The following BRWD1 variants were observed in gnomAD, a reference collection of about 807,000 sequenced individuals.
BRWD1 encodes the protein bromodomain and WD repeat-containing protein 1.
Under a neutral mutation model 251.2 loss-of-function variants are expected in BRWD1, and 82 were observed. That is an observed-to-expected ratio of 0.33 (90% CI 0.27 to 0.39). The LOEUF (loss-of-function observed/expected upper bound fraction) is 0.39. Ranked by LOEUF, BRWD1 falls within the 10% of genes least tolerant of loss-of-function variation. BRWD1 has a pLI of 1.00. For missense variants in BRWD1, 2,233 were observed against 2,711.6 expected (o/e 0.82, Z 3.92); for synonymous variants, 918 against 902.8 (o/e 1.02, Z -0.30).
chr21:39,258,535 C>A lies in BRWD1; in HGVS notation c.2023G>T (p.Asp675Tyr), dbSNP rs1372489529. Reference sequence around the variant, plus strand: ...TTTGAAAGTCCTCTTGGAATAGTATCCTGATCTGCTCCCATTCTCTGATCT... The same window carrying A: ...TTTGAAAGTCCTCTTGGAATAGTATACTGATCTGCTCCCATTCTCTGATCT... ...QQDQRMGADQ[D>Y]TIPRGLSNGE... is the part of the protein sequence containing the mutation. The change falls in exon 18 of 41, where the codon GAT becomes TAT. Residue 675 changes from aspartate (D) to tyrosine (Y), a missense_variant. Transcript: ENST00000342449. 14 of 1,612,464 alleles carry A rather than the reference C, an allele frequency of 8.7e-6. No individual in the cohort carries two copies. The highest frequency in any genetic ancestry group is 1.3e-5 in the African/African-American group (1 of 74,848).
At chr21:39,215,137 T>C in intron 32 of BRWD1, 100 bp downstream of exon 32, 1 of 1,246,374 alleles carries the variant, frequency 8.0e-7, no homozygotes, top group Non-Finnish European at 1.1e-6. Flanking sequence ...CCCAAAGTGC[T>C]GGGATTAACA....
At chr21:39,217,852 AT>A (rs1381447442) in intron 31 of BRWD1, among the ~76,000 whole-genome samples, 1 of 152,150 alleles carries the variant, frequency 6.6e-6, no homozygotes, top group Non-Finnish European at 1.5e-5. Flanking sequence ...GGATAGAAAA[AT>A]TCTCATTACT....
At chr21:39,241,501 A>AAAAAAAAAAAAAAAAAC (rs2033997178) in intron 21 of BRWD1, among the ~76,000 whole-genome samples, 1 of 142,354 alleles carries the variant, frequency 7.0e-6, no homozygotes, top group Admixed American at 6.9e-5. Flanking sequence ...AAAAAAAAAA[A>AAAAAAAAAAAAAAAAAC]AAAAAAAAAA....
At chr21:39,242,948 C>T (rs2034052926) in intron 21 of BRWD1, among the ~76,000 whole-genome samples, 1 of 152,126 alleles carries the variant, frequency 6.6e-6, no homozygotes, top group Non-Finnish European at 1.5e-5. Flanking sequence ...GACAATAGAC[C>T]TAGCCATCCA....
chr21:39,238,674 C>T, intron 21 of BRWD1, 101 bp from the exon 22 acceptor site: 1 of 747,688 alleles, frequency 1.3e-6, no homozygotes, highest in South Asian at 1.7e-5. Context: ...ATTAAATCAT[C>T]TAAGAAAAAT....
At chr21:39,271,696 CAAAAAAA>C (rs34900726) in intron 13 of BRWD1, among the ~76,000 whole-genome samples, 3 of 59,854 alleles carry the variant, frequency 5.0e-5, no homozygotes, top group South Asian at 1.0e-3. Flanking sequence ...GACTCCGTCT[CAAAAAAA>C]AAAAAAAAAA....
intron 1 of BRWD1, among the ~76,000 whole-genome samples, chr21:39,319,732 C>T (rs1430923087): frequency 6.6e-6 from 1 of 152,108 alleles, no homozygotes; most frequent in Non-Finnish European, 1.5e-5. Context: ...TCAACATGAC[C>T]CTGTTATATA....
At chr21:39,237,434 A>T (rs2033849225) in intron 22 of BRWD1, among the ~76,000 whole-genome samples, 1 of 151,894 alleles carries the variant, frequency 6.6e-6, no homozygotes, top group Admixed American at 6.5e-5. Flanking sequence ...AAAATAAAGG[A>T]CTCTACTTGG....
At chr21:39,266,453 T>C (rs753056241) in intron 15 of BRWD1, among the ~76,000 whole-genome samples, 25 of 152,272 alleles carry the variant, frequency 1.6e-4, no homozygotes, top group Non-Finnish European at 2.8e-4. Flanking sequence ...CCTTCAGTCA[T>C]GGTTAAAGCA....
intron 8 of BRWD1, among the ~76,000 whole-genome samples, chr21:39,281,396 T>A (rs951529906): frequency 5.9e-5 from 9 of 152,164 alleles, no homozygotes; most frequent in African/African-American, 2.2e-4. Flanking sequence ...GAGAGGAGCA[T>A]CAAAACTTGC....
downstream of BRWD1, chr21:39,184,776 CTG>C (rs1027812628): frequency 2.1e-4 from 32 of 152,124 alleles, no homozygotes; most frequent in African/African-American, 7.5e-4. Flanking sequence ...GCTTAGGAAA[CTG>C]GATATCCTTA....
intron 36 of BRWD1, 84 bp downstream of exon 36, chr21:39,209,911 T>G: frequency 7.3e-7 from 1 of 1,376,396 alleles, no homozygotes; most frequent in Non-Finnish European, 9.9e-7. Context: ...AGTGGAAAAT[T>G]ACACTGGAAA....
chr21:39,196,627 T>C lies in BRWD1; in HGVS notation c.6442A>G (p.Lys2148Glu), dbSNP rs1232495591. Residue 2148 changes from lysine to glutamate, a missense_variant, in exon 41 of 41, where the codon AAG becomes GAG. This residue lies in a region of BRWD1 where 928 missense variants were observed against 970.0 expected (regional missense o/e 0.96). Transcript: ENST00000342449. ...TTGGAACTAGTATCAGGTCTAAACT[T>C]TGAATTCCCAGTTGTTTCAGAGATT... ...VKISETTGNSKFRPDTSSKSS... is the reference protein window; with the variant it reads ...VKISETTGNSEFRPDTSSKSS... The C allele has an allele frequency of 6.2e-7, 1 of 1,613,736 alleles. No homozygotes were observed. The highest frequency in any genetic ancestry group is 1.1e-5 in the South Asian group (1 of 91,038).
chr21:39,220,373 C>A (rs1484578586), intron 29 of BRWD1, among the ~76,000 whole-genome samples: 1 of 152,246 alleles, frequency 6.6e-6, no homozygotes, highest in Non-Finnish European at 1.5e-5. Flanking sequence ...AGTGGATACA[C>A]TGCATAAAAG....
rs1160388339 is a variant in BRWD1 at position 39,191,343 on chromosome 21, C to G, written c.*4916G>C. The stretch of plus-strand genomic sequence containing the variant: ...TACCAGTGGAAAAGAGGTTGGGGAA[C>G]CACTTGGGACAAGTCTGGAATTAAC... On this transcript the variant is annotated 3_prime_UTR_variant, in exon 41 of 41. Transcript: ENST00000342449. The G allele has an allele frequency of 1.1e-5, 11 of 985,074 alleles. No homozygotes were observed. In the East Asian group the frequency reaches 1.0e-3, roughly 92 times the overall value. 61.0% of individuals were successfully genotyped at this position (985,074 alleles called of 1,614,324 possible).
At chr21:39,286,958 CA>C (rs1194405369) in intron 8 of BRWD1, among the ~76,000 whole-genome samples, 1 of 152,122 alleles carries the variant, frequency 6.6e-6, no homozygotes, top group African/African-American at 2.4e-5. Context: ...CACTGGTCAT[CA>C]AGATTCACCA....
chr21:39,311,789 C>T (rs1034910190), intron 4 of BRWD1, among the ~76,000 whole-genome samples: 2 of 152,210 alleles, frequency 1.3e-5, no homozygotes, highest in African/African-American at 4.8e-5. Context: ...TTGCACCAGG[C>T]TTCAAGTGTT....
intron 37 of BRWD1, among the ~76,000 whole-genome samples, chr21:39,203,021 C>T (rs564943480): frequency 2.0e-5 from 3 of 152,246 alleles, no homozygotes; most frequent in African/African-American, 7.2e-5. Context: ...GATTTTTGTC[C>T]CAAGACCAGA....
At chr21:39,239,759 A>C (rs181516983) in intron 21 of BRWD1, among the ~76,000 whole-genome samples, 2 of 152,308 alleles carry the variant, frequency 1.3e-5, no homozygotes, top group African/African-American at 4.8e-5. Context: ...AGAATTTTTT[A>C]ACAAGGGTGT....
Sources: gnomAD v4.1 joint callset for allele counts (sites outside exome capture counted in the v4.1 genomes callset) on GRCh38, gnomAD v4.1.1 for gene constraint, gnomAD v4.1.1 regional missense constraint, MANE v1.5 for transcripts, NCBI Gene and HGNC (gene_info 2026-07-23, HGNC 2026-07-21) for gene names.